PIGL: variants seen among roughly 807,000 people sequenced by gnomAD.
The protein encoded by PIGL is N-acetylglucosaminyl-phosphatidylinositol de-N-acetylase.
In PIGL, 22 loss-of-function variants were observed where a neutral mutation model predicts 31.1. The ratio of observed to expected loss-of-function variants is 0.71; its 90% CI spans 0.51 to 1.01. PIGL has a LOEUF of 1.01. Ranked by LOEUF, PIGL falls within the 50% of genes least tolerant of loss-of-function variation. The pLI, the probability that PIGL is intolerant of heterozygous loss-of-function variation, is 0.00. For synonymous variants in PIGL, 131 were observed against 117.4 expected (o/e 1.12, Z -0.75); for missense variants, 302 against 315.9 (o/e 0.96, Z 0.33).
chr17:16,264,117 A>G (rs2092831239), intron 2 of PIGL, among the ~76,000 whole-genome samples: 1 of 150,122 alleles, frequency 6.7e-6, no homozygotes. Flanking sequence ...GGTTTAAGCA[A>G]TTATTCTGCC....
At chr17:16,270,237 C>T (rs946081953) in intron 2 of PIGL, among the ~76,000 whole-genome samples, 2 of 150,670 alleles carry the variant, frequency 1.3e-5, no homozygotes, top group Non-Finnish European at 2.9e-5. Context: ...TGCAGTGAGC[C>T]GAGCTTGCAC....
chr17:16,262,847 TGTA>T (rs1366766711), intron 2 of PIGL, among the ~76,000 whole-genome samples: 1 of 152,070 alleles, frequency 6.6e-6, no homozygotes, highest in African/African-American at 2.4e-5. Context: ...ATAAACAAAA[TGTA>T]GTATGTTAAT....
chr17:16,249,630 C>T (rs539691714), intron 2 of PIGL, among the ~76,000 whole-genome samples: 14 of 152,262 alleles, frequency 9.2e-5, no homozygotes, highest in African/African-American at 2.9e-4. Context: ...AGTCCAAGGC[C>T]GAGGGCCTGA....
chr17:16,309,793 A>T (rs1352990526), intron 3 of PIGL, among the ~76,000 whole-genome samples: 5 of 151,146 alleles, frequency 3.3e-5, no homozygotes, highest in Non-Finnish European at 7.4e-5. Flanking sequence ...AAATATAAAC[A>T]TTAGGCCGGG....
chr17:16,254,904 T>C (rs1382297387), intron 2 of PIGL, among the ~76,000 whole-genome samples: 1 of 152,166 alleles, frequency 6.6e-6, no homozygotes, highest in Non-Finnish European at 1.5e-5. Flanking sequence ...GCCTGGCCCA[T>C]ATACACTAGT....
intron 2 of PIGL, among the ~76,000 whole-genome samples, chr17:16,292,027 G>A (rs1395566207): frequency 6.7e-6 from 1 of 150,080 alleles, no homozygotes; most frequent in Non-Finnish European, 1.5e-5. Flanking sequence ...CAAAGTAATG[G>A]AGCTCTTTTT....
At chr17:16,320,280 G>GGGGA (rs1568848152) in intron 6 of PIGL, among the ~76,000 whole-genome samples, 1 of 117,434 alleles carries the variant, frequency 8.5e-6, no homozygotes, top group African/African-American at 3.2e-5. Flanking sequence ...GGAGAGGGGA[G>GGGGA]GGGAGGGAGG....
chr17:16,311,796 C>G (rs1248020028), intron 3 of PIGL, among the ~76,000 whole-genome samples: 1 of 152,088 alleles, frequency 6.6e-6, no homozygotes, highest in Non-Finnish European at 1.5e-5. Flanking sequence ...AGATCAACAG[C>G]ATCGCAAGGC....
chr17:16,302,246 G>A (rs982474854), intron 3 of PIGL, among the ~76,000 whole-genome samples: 7 of 152,070 alleles, frequency 4.6e-5, no homozygotes, highest in African/African-American at 1.7e-4. Context: ...GCAGCTTGCA[G>A]GCCCCACACT....
At chr17:16,311,690 G>A (rs1356475004) in intron 3 of PIGL, among the ~76,000 whole-genome samples, 1 of 149,802 alleles carries the variant, frequency 6.7e-6, no homozygotes, top group Non-Finnish European at 1.5e-5. Flanking sequence ...TCAAGCATCT[G>A]TTTAACAAAG....
At chr17:16,222,600 C>G (rs1313600126) in intron 1 of PIGL, among the ~76,000 whole-genome samples, 1 of 151,892 alleles carries the variant, frequency 6.6e-6, no homozygotes, top group Non-Finnish European at 1.5e-5. Flanking sequence ...GTTCTAAAAC[C>G]GTTACACCCA....
chr17:16,229,997 G>C (rs986841583), intron 1 of PIGL, among the ~76,000 whole-genome samples: 3 of 151,658 alleles, frequency 2.0e-5, no homozygotes, highest in Non-Finnish European at 4.4e-5. Context: ...GAGTAGCTGG[G>C]ACTACAGGCG....
intron 3 of PIGL, among the ~76,000 whole-genome samples, chr17:16,310,077 C>CCAAA (rs2093042527): frequency 1.1e-5 from 1 of 88,778 alleles, no homozygotes; most frequent in African/African-American, 4.5e-5. Context: ...GACTCCATCT[C>CCAAA]AAAAAAAAAA....
chr17:16,228,818 C>T (rs1007806816), intron 1 of PIGL, among the ~76,000 whole-genome samples: 1 of 152,220 alleles, frequency 6.6e-6, no homozygotes, highest in African/African-American at 2.4e-5. Context: ...CCCCTCCTCT[C>T]CCAAGCCTCT....
chr17:16,276,009 G>A (rs2142781335), intron 2 of PIGL, among the ~76,000 whole-genome samples: 1 of 152,256 alleles, frequency 6.6e-6, no homozygotes, highest in Non-Finnish European at 1.5e-5. Context: ...GGGTGACAGA[G>A]TGAGACTCTG....
intron 2 of PIGL, among the ~76,000 whole-genome samples, chr17:16,287,186 G>A (rs959636264): frequency 6.6e-6 from 1 of 152,164 alleles, no homozygotes. Context: ...ACAGCCTCTC[G>A]CCTCAGGCCC....
chr17:16,275,215 A>G lies in PIGL; in HGVS notation c.336-24673A>G, dbSNP rs139246339. On this transcript the variant is annotated intron_variant, in intron 2 of 6. Transcript: ENST00000225609. ...ATTCCCAGAACTGAGGGTTCCTCCC[A>G]TTTTAGACCATAGAGCGTAACTTCC... Among the ~76,000 whole-genome samples the G allele has an allele frequency of 3.9e-5, 6 of 152,242 alleles. No homozygotes were observed. In the East Asian group the frequency reaches 9.6e-4, roughly 24 times the overall value.
chr17:16,288,054 C>G (rs2092945333), intron 2 of PIGL, among the ~76,000 whole-genome samples: 1 of 152,204 alleles, frequency 6.6e-6, no homozygotes, highest in African/African-American at 2.4e-5. Context: ...AACAGTGCCC[C>G]TTTCTCTGTG....
intron 2 of PIGL, among the ~76,000 whole-genome samples, chr17:16,238,545 C>T (rs1476587013): frequency 1.4e-5 from 2 of 147,198 alleles, no homozygotes; most frequent in Non-Finnish European, 3.0e-5. Context: ...AAGCCATTCT[C>T]CTGCCTCAGC....
Sources: gnomAD v4.1 joint callset for allele counts (sites outside exome capture counted in the v4.1 genomes callset) on GRCh38, gnomAD v4.1.1 for gene constraint, MANE v1.5 for transcripts, NCBI Gene and HGNC (gene_info 2026-07-23, HGNC 2026-07-21) for gene names.